Variants in TGFB2 observed in about 807,000 individuals in gnomAD.
The protein encoded by TGFB2 is transforming growth factor beta 2.
Under a neutral mutation model 42.7 loss-of-function variants are expected in TGFB2, and 13 were observed. The ratio of observed to expected loss-of-function variants is 0.30; its 90% CI spans 0.20 to 0.48. The LOEUF (loss-of-function observed/expected upper bound fraction) is 0.48. Among genes scored for constraint, TGFB2 ranks in the 20% least tolerant of loss-of-function variants. The pLI is 0.99. For synonymous variants in TGFB2, 193 were observed against 193.6 expected, an observed-to-expected ratio of 1.00 and a Z score of 0.03; for missense variants, 390 against 517.5, an observed-to-expected ratio of 0.75 and a Z score of 2.39.
At chr1:218,435,670 A>G (rs1459480966) in intron 4 of TGFB2, among the ~76,000 whole-genome samples, 1 of 152,144 alleles carries the variant, frequency 6.6e-6, no homozygotes, top group Non-Finnish European at 1.5e-5. Context: ...AACTGCCTAG[A>G]TTGCCCTTGG....
chr1:218,437,476 T>TC lies in TGFB2; in HGVS notation c.1067dup (p.Asp357ArgfsTer12). The TC allele has an allele frequency of 6.2e-7, 1 of 1,613,268 alleles. No homozygotes were observed. Among genetic ancestry groups the TC allele is most frequent in the Non-Finnish European group, 8.5e-7 (1 of 1,179,658 alleles). On this transcript the variant is annotated frameshift_variant, in exon 6 of 7. Transcript: ENST00000366930. LOFTEE classifies it high-confidence loss of function. ...TGGAGCATGCCCGTATTTATGGAGTTCAGACACTCAGCACAGCAGGGTGAG... is the reference window on the plus strand; with the variant it reads ...TGGAGCATGCCCGTATTTATGGAGTTCCAGACACTCAGCACAGCAGGGTGAG...
rs184498462 is a variant in TGFB2 at position 218,443,796 on chromosome 1, G to A, written c.*2434G>A. On this transcript the variant is annotated 3_prime_UTR_variant, in exon 7 of 7. Transcript: ENST00000366930. ...CATGGGAGGGGGGTGGAGGTGGCAA[G>A]GAAGGGGTGAAGTGCTAGTATGCAA... The A allele has an allele frequency of 1.3e-5, 2 of 151,704 alleles. No homozygotes were observed. The highest frequency in any genetic ancestry group is 4.8e-5 in the African/African-American group (2 of 41,368). 9.4% of individuals were successfully genotyped at this position (151,704 alleles called of 1,614,324 possible). A position where few individuals can be genotyped will look rare whatever the true frequency, so the allele number is the denominator to read the frequency against.
Position 218,437,511 on chromosome 1 carries a change from T to G in TGFB2, c.1086+15T>G. 1 of 1,601,988 alleles carries G rather than the reference T, an allele frequency of 6.2e-7. No homozygotes were observed. Among genetic ancestry groups the G allele is most frequent in the Non-Finnish European group, 8.5e-7 (1 of 1,174,694 alleles). On this transcript the variant is annotated intron_variant, in intron 6 of 6. Coordinates refer to ENST00000366930, the MANE Select transcript of TGFB2 (RefSeq NM_003238.6). ...AGCACAGCAGGGTGAGTGTTCAGCT[T>G]ACCTGTTGCCTCTGTTCTTGGGTTA...
intron 6 of TGFB2, 77 bp downstream of exon 6, chr1:218,437,573 G>A (rs1660012907): frequency 1.4e-6 from 2 of 1,446,426 alleles, no homozygotes; most frequent in Non-Finnish European, 1.8e-6. Flanking sequence ...CAAATGAGTT[G>A]TAATTAACCT....
At chr1:218,387,686 C>T (rs1354919431) in intron 1 of TGFB2, among the ~76,000 whole-genome samples, 2 of 152,174 alleles carry the variant, frequency 1.3e-5, no homozygotes, top group Non-Finnish European at 2.9e-5. Context: ...AAGCCCCTCC[C>T]ATATTGCACA....
rs11466388 is a variant in TGFB2, at chr1:218,392,080, G to A, written c.347-13089G>A. Among the ~76,000 whole-genome samples, 581 of 152,248 alleles carry A rather than the reference G, an allele frequency of 3.8e-3. 2 individuals carry two copies. The highest frequency in any genetic ancestry group is 0.014 in the African/African-American group (565 of 41,550). ...AAAACTGGCTTGATCGGCCAGGCAC[G>A]GTGGCTCACGCCTGTAATCCCAGCA... is the stretch of plus-strand genomic sequence containing the variant. On this transcript the variant is annotated intron_variant, in intron 1 of 6. Transcript: ENST00000366930.
At chr1:218,348,516 C>A (rs1322231589) in intron 1 of TGFB2, among the ~76,000 whole-genome samples, 1 of 152,182 alleles carries the variant, frequency 6.6e-6, no homozygotes, top group African/African-American at 2.4e-5. Flanking sequence ...TTCTCCTGTT[C>A]TTGTTCAATA....
chr1:218,359,020 GA>G (rs1049940381), intron 1 of TGFB2, among the ~76,000 whole-genome samples: 1 of 152,156 alleles, frequency 6.6e-6, no homozygotes, highest in Non-Finnish European at 1.5e-5. Flanking sequence ...TTTCTGTGGG[GA>G]AAATGTTTCT....
chr1:218,406,352 TC>T (rs1658911036), intron 2 of TGFB2, among the ~76,000 whole-genome samples: 1 of 152,182 alleles, frequency 6.6e-6, no homozygotes, highest in South Asian at 2.1e-4. Flanking sequence ...TCAGAGATGT[TC>T]TTAAAAGCTT....
intron 1 of TGFB2, among the ~76,000 whole-genome samples, chr1:218,401,867 CTG>C (rs1221872947): frequency 6.6e-6 from 1 of 152,202 alleles, no homozygotes; most frequent in East Asian, 1.9e-4. Context: ...TTGGGTCTCC[CTG>C]CTCCGTGTAT....
chr1:218,356,341 A>G (rs780717200), intron 1 of TGFB2, among the ~76,000 whole-genome samples: 88 of 151,654 alleles, frequency 5.8e-4, no homozygotes, highest in Non-Finnish European at 6.8e-4. Flanking sequence ...CTCAGCCTCT[A>G]CAATAGTTGG....
Position 218,442,611 on chromosome 1 carries a change from A to G in TGFB2, c.*1249A>G, listed in dbSNP as rs2102636357. On this transcript the variant is annotated 3_prime_UTR_variant, in exon 7 of 7. Transcript: ENST00000366930. ...TTTTTTTTTTAATAACATTTGCCCT[A>G]CTTGTGCTTTGTGTTTCTTTCATTA... 1 of 150,646 alleles carries G rather than the reference A, an allele frequency of 6.6e-6. No homozygotes were observed. Among genetic ancestry groups the G allele is most frequent in the East Asian group, 2.0e-4 (1 of 5,110 alleles). 9.3% of individuals were successfully genotyped at this position (150,646 alleles called of 1,614,324 possible). A position where few individuals can be genotyped will look rare whatever the true frequency, so the allele number is the denominator to read the frequency against.
chr1:218,357,161 G>A (rs1199656473), intron 1 of TGFB2, among the ~76,000 whole-genome samples: 2 of 151,216 alleles, frequency 1.3e-5, no homozygotes, highest in Non-Finnish European at 1.5e-5. Context: ...GCAGTGAGCC[G>A]AGATTGCGCC....
At position 218,405,574 on chromosome 1, in the gene TGFB2, G is replaced by A; in HGVS notation, c.510+242G>A. 3 of 551,374 alleles carry A rather than the reference G, an allele frequency of 5.4e-6. No homozygotes were observed. In the South Asian group the frequency reaches 5.8e-5, roughly 11 times the overall value. 34.2% of individuals were successfully genotyped at this position (551,374 alleles called of 1,614,324 possible). On this transcript the variant is annotated intron_variant, in intron 2 of 6. Coordinates refer to ENST00000366930, the MANE Select transcript of TGFB2 (RefSeq NM_003238.6). ...TTTAGATACGAGGTCTCACCGTGTT[G>A]CCCTGGCTGATCTGGAACTCCTGGC...
intron 2 of TGFB2, among the ~76,000 whole-genome samples, chr1:218,429,846 A>T (rs1659750263): frequency 6.6e-6 from 1 of 152,212 alleles, no homozygotes; most frequent in Admixed American, 6.5e-5. Flanking sequence ...CAAGTGTCAT[A>T]AGCAGGTTTA....
intron 2 of TGFB2, among the ~76,000 whole-genome samples, chr1:218,431,136 T>G (rs187601831): frequency 6.6e-6 from 1 of 152,218 alleles, no homozygotes. Context: ...CTAACTGTAT[T>G]TCTTGGGTGG....
intron 2 of TGFB2, among the ~76,000 whole-genome samples, chr1:218,414,789 G>A (rs912578047): frequency 7.2e-6 from 1 of 138,920 alleles, no homozygotes; most frequent in East Asian, 2.0e-4. Context: ...GATAATTATC[G>A]CTAATACATG....
chr1:218,368,548 G>GATAATCA (rs1467114468), intron 1 of TGFB2, among the ~76,000 whole-genome samples: 1 of 152,226 alleles, frequency 6.6e-6, no homozygotes, highest in Non-Finnish European at 1.5e-5. Context: ...GGTGGCATAG[G>GATAATCA]ATAGATAATC....
At chr1:218,397,387 C>A (rs1324354336) in intron 1 of TGFB2, among the ~76,000 whole-genome samples, 1 of 151,536 alleles carries the variant, frequency 6.6e-6, no homozygotes, top group Non-Finnish European at 1.5e-5. Context: ...CACGGTGAAA[C>A]CCCGTCTCTA....
Sources: allele counts gnomAD v4.1 joint callset (sites outside exome capture counted in the v4.1 genomes callset), GRCh38; gene constraint gnomAD v4.1.1; transcripts MANE v1.5; gene names NCBI Gene and HGNC (gene_info 2026-07-23, HGNC 2026-07-21).